The following CLSPN variants were observed in gnomAD, a reference collection of about 807,000 sequenced individuals.
CLSPN encodes claspin, also known as claspin homolog.
Under a neutral mutation model 156.3 loss-of-function variants are expected in CLSPN, and 85 were observed. The observed-to-expected ratio is 0.54, with a 90% CI of 0.46 to 0.65. The LOEUF (loss-of-function observed/expected upper bound fraction) is 0.65, where lower values mean the gene tolerates loss of function less well. Ranked by LOEUF, CLSPN falls within the 30% of genes least tolerant of loss-of-function variation. The pLI, the probability that CLSPN is intolerant of heterozygous loss-of-function variation, is 0.00. For missense variants in CLSPN, 1,407 were observed against 1,554.9 expected, an observed-to-expected ratio of 0.90 and a Z score of 1.60; for synonymous variants, 534 against 542.4, an observed-to-expected ratio of 0.98 and a Z score of 0.22.
At position 35,760,796 on chromosome 1, in the gene CLSPN, C is replaced by T; in HGVS notation, c.1125G>A (p.Val375=). ...AAACTACAGGGAGTGCATTAGTTTCCACTTCATTTTCTGCACCTGTTGTCT... is the reference window on the plus strand; with the variant it reads ...AAACTACAGGGAGTGCATTAGTTTCTACTTCATTTTCTGCACCTGTTGTCT... ...SEQTTGAENE[V]ETNALPVVSK... is the part of the protein sequence containing the mutation. The change falls in exon 8 of 25, where the codon GTG becomes GTA. Residue 375 remains valine (V), a synonymous_variant. Transcript: ENST00000318121. 6.2e-7 allele frequency: 1 copy of T among 1,613,568 alleles called. No homozygotes were observed. The highest frequency in any genetic ancestry group is 1.1e-5 in the South Asian group (1 of 91,072).
Position 35,747,097 on chromosome 1 carries a change from C to T in CLSPN, c.2628-105G>A, listed in dbSNP as rs546862327. On this transcript the variant is annotated intron_variant, in intron 14 of 24. Transcript: ENST00000318121. ...CAGCACTTCGGGAGGCCGAGGCGGG[C>T]GGATCACGAGGTCAGGAGATCAAGA... 1,396 of 774,364 alleles carry T rather than the reference C, an allele frequency of 1.8e-3. 3 individuals carry two copies. Among genetic ancestry groups the T allele is most frequent in the Non-Finnish European group, 2.4e-3 (1,104 of 464,748 alleles). 48.0% of individuals were successfully genotyped at this position (774,364 alleles called of 1,614,324 possible). A position where few individuals can be genotyped will look rare whatever the true frequency, so the allele number is the denominator to read the frequency against.
At chr1:35,743,096 A>G (rs1208644030) in intron 18 of CLSPN, 45 bp downstream of exon 18, 2 of 1,533,718 alleles carry the variant, frequency 1.3e-6, no homozygotes, top group African/African-American at 1.4e-5. Flanking sequence ...CTAGTGACCA[A>G]ATTTTAAATA....
At chr1:35,750,052 G>C (rs1251048147) in intron 10 of CLSPN, among the ~76,000 whole-genome samples, 2 of 151,140 alleles carry the variant, frequency 1.3e-5, no homozygotes, top group South Asian at 4.2e-4. Context: ...TATAAAGGAC[G>C]ACTGGATTAT....
At chr1:35,761,013 G>A in intron 7 of CLSPN, 83 bp downstream of exon 7, 1 of 1,407,756 alleles carries the variant, frequency 7.1e-7, no homozygotes. Context: ...TTAAGGGAGT[G>A]AGAAATCTGA....
chr1:35,746,951 A>C lies in CLSPN; in HGVS notation c.2669T>G (p.Leu890Trp). ...ACTGGCCAATGGCAATCGAGGCTTC[A>C]AAGCTTGGTACTGATTCCTGTGGTT... ...VRNHRNQYQA[L>W]KPRLPLASMD... Residue 890 changes from leucine (L) to tryptophan (W), a missense_variant, in exon 15 of 25, where the codon TTG (leucine) becomes TGG (tryptophan). By Grantham distance (61) the Leu-to-Trp change is moderately conservative (BLOSUM62 -2). Coordinates refer to ENST00000318121, the MANE Select transcript of CLSPN (RefSeq NM_022111.4). The surrounding 1 kb of genome is among the most constrained non-coding windows in gnomAD (Gnocchi z 4.2). 6.2e-7 allele frequency: 1 copy of C among 1,614,180 alleles called. No homozygotes were observed. The highest frequency in any genetic ancestry group is 1.1e-5 in the South Asian group (1 of 91,086).
rs191456058 is a variant in CLSPN at position 35,733,781 on chromosome 1, C to T, written c.*2715G>A. On this transcript the variant is annotated 3_prime_UTR_variant, in exon 25 of 25. Coordinates refer to ENST00000318121, the MANE Select transcript of CLSPN (RefSeq NM_022111.4). ...TTACTTGAGGCCAGGAGTTCAAGAT[C>T]AGCTGGGGCAACACAGCAAGACCCT... 91 of 745,074 alleles carry T rather than the reference C, an allele frequency of 1.2e-4. No homozygotes were observed. In the African/African-American group the frequency reaches 1.6e-3, roughly 13 times the overall value. The allele number at this position is 745,074 out of a possible 1,614,324, so 46.2% of individuals were successfully genotyped here. A position where few individuals can be genotyped will look rare whatever the true frequency, so the allele number is the denominator to read the frequency against.
rs189640327 is a variant in CLSPN at position 35,769,922 on chromosome 1, T to G, written c.-52A>C. ...AGGGACGGAGCTGTCTCTGATTCCC[T>G]CAGCCGGAGAGCAGCGGCTCCCGCC... is the stretch of plus-strand genomic sequence containing the variant. On this transcript the variant is annotated 5_prime_UTR_variant, in exon 1 of 25. Transcript: ENST00000318121. 230 of 1,598,312 alleles carry G rather than the reference T, an allele frequency of 1.4e-4. No individual in the cohort carries two copies. In the African/African-American group the frequency reaches 2.6e-3, roughly 18 times the overall value.
At position 35,763,330 on chromosome 1, in the gene CLSPN, T is replaced by C. The variant is rs1388859792; in HGVS notation, c.583-9A>G. On this transcript the variant is annotated splice_polypyrimidine_tract_variant and intron_variant, in intron 3 of 24. Coordinates refer to ENST00000318121, the MANE Select transcript of CLSPN (RefSeq NM_022111.4). ...TGTTCTACATCATCTTCCTAAGTAA[T>C]ACATAAACAAAAAGCATAATCCAAT... 3.2e-6 allele frequency: 5 copies of C among 1,558,306 alleles called. No homozygotes were observed. Among genetic ancestry groups the C allele is most frequent in the Admixed American group, 2.1e-5 (1 of 47,378 alleles).
chr1:35,747,362 A>G (rs1255194327), intron 14 of CLSPN, among the ~76,000 whole-genome samples: 1 of 152,170 alleles, frequency 6.6e-6, no homozygotes, highest in Non-Finnish European at 1.5e-5. Flanking sequence ...GAAATGGCAA[A>G]GTAGGGGGTG....
chr1:35,738,005 T>C lies in CLSPN; in HGVS notation c.3651A>G (p.Ala1217=). ...MILAKKVTAK[A]LQKNASRPMV... ...ACAAGAGCTCACCATTCTTCTGCAG[T>C]GCTTTGGCTGTAACTTTCTTGGCCA... The change falls in exon 22 of 25, where the codon GCA becomes GCG. Residue 1217 remains alanine (A), a synonymous_variant. Coordinates refer to ENST00000318121, the MANE Select transcript of CLSPN (RefSeq NM_022111.4). 2 of 1,487,238 alleles carry C rather than the reference T, an allele frequency of 1.3e-6. No individual in the cohort carries two copies. The highest frequency in any genetic ancestry group is 1.8e-6 in the Non-Finnish European group (2 of 1,107,696). The allele number at this position is 1,487,238 out of a possible 1,614,324, so 92.1% of individuals were successfully genotyped here.
chr1:35,737,362 T>G lies in CLSPN; in HGVS notation c.3724A>C (p.Ile1242Leu), dbSNP rs547782607. The G allele has an allele frequency of 1.3e-5, 21 of 1,614,086 alleles. No homozygotes were observed. The South Asian group carries it at 2.0e-4, about 15-fold the overall frequency. ...ACCTGTTGAGCACTTCCTGGTCTGA[T>G]GGCTTCAAAAGGATTTCTGAGCAAA... The part of the protein sequence containing the change: ...KSLLRNPFEA[I>L]RPGSAQQVKT... The change falls in exon 23 of 25, where the codon ATC becomes CTC. Residue 1242 changes from isoleucine to leucine, a missense_variant. Around this residue, in one of 3 missense-constraint regions of CLSPN, gnomAD observed 241 missense variants for 240.5 expected, o/e 1.00. Transcript: ENST00000318121.
At chr1:35,736,627 C>A in intron 24 of CLSPN, 21 bp from the exon 25 acceptor site, 1 of 1,597,446 alleles carries the variant, frequency 6.3e-7, no homozygotes, top group South Asian at 1.1e-5. Context: ...GAGAGGGAGT[C>A]AGGGCCAGCT....
At position 35,746,510 on chromosome 1, in the gene CLSPN, T is replaced by G. The variant is rs1248552136; in HGVS notation, c.2854+256A>C. ...CCCAGGCTCAAGAGATCCTCCCACC[T>G]CAGCCTCCCAAGTAGCTAGGACCAC... On this transcript the variant is annotated intron_variant, in intron 15 of 24. Transcript: ENST00000318121. This position sits in a 1 kb window ranked among gnomAD's most constrained non-coding sequence, Gnocchi z 4.2. Among the ~76,000 whole-genome samples the G allele has an allele frequency of 6.6e-6, 1 of 151,496 alleles. No individual in the cohort carries two copies. Among genetic ancestry groups the G allele is most frequent in the Non-Finnish European group, 1.5e-5 (1 of 67,948 alleles).
chr1:35,768,890 T>G (rs1642766479), intron 1 of CLSPN, among the ~76,000 whole-genome samples: 1 of 152,142 alleles, frequency 6.6e-6, no homozygotes, highest in African/African-American at 2.4e-5. Flanking sequence ...GGGTGAGGTC[T>G]CAAAAAATTC....
Position 35,764,472 on chromosome 1 carries a change from C to T in CLSPN, c.376G>A (p.Ala126Thr), listed in dbSNP as rs1297328594. 2.5e-6 allele frequency: 4 copies of T among 1,613,990 alleles called. No homozygotes were observed. The highest frequency in any genetic ancestry group is 3.4e-6 in the Non-Finnish European group (4 of 1,180,010). The change falls in exon 3 of 25, where the codon GCG becomes ACG. Residue 126 changes from alanine to threonine, a missense_variant. Physicochemically the swap from Ala to Thr is moderately conservative, Grantham distance 58 (BLOSUM62 0). Around this residue, in one of 3 missense-constraint regions of CLSPN, gnomAD observed 1,096 missense variants for 1,193.0 expected, o/e 0.92. Transcript: ENST00000318121. ...EKSLYQENLE[A>T]QVKPCLELSL... ...AGCTCTAAGCAAGGTTTCACTTGCG[C>T]TTCAAGATTTTCCTGATACAAAGAC...
intron 1 of CLSPN, among the ~76,000 whole-genome samples, chr1:35,769,457 C>A (rs1490457107): frequency 6.6e-6 from 1 of 152,226 alleles, no homozygotes; most frequent in African/African-American, 2.4e-5. Context: ...AGAATCCCCC[C>A]GCACCGCTGC....
intron 1 of CLSPN, 68 bp downstream of exon 1, chr1:35,769,779 C>G: frequency 6.7e-7 from 1 of 1,490,006 alleles, no homozygotes; most frequent in Non-Finnish European, 9.0e-7. Context: ...GGGGTCTACC[C>G]CGGCCCCACC....
intron 18 of CLSPN, among the ~76,000 whole-genome samples, chr1:35,741,938 C>T (rs2148615265): frequency 6.8e-6 from 1 of 146,252 alleles, no homozygotes; most frequent in Non-Finnish European, 1.5e-5. Context: ...CATGCCACTG[C>T]CCTCCAGCCT....
intron 1 of CLSPN, among the ~76,000 whole-genome samples, chr1:35,769,482 A>G (rs1284123708): frequency 1.3e-5 from 2 of 152,214 alleles, no homozygotes; most frequent in African/African-American, 2.4e-5. Context: ...GGGTTCGGCT[A>G]GAGCCTCCCG....
Sources: gnomAD v4.1 joint callset for allele counts (sites outside exome capture counted in the v4.1 genomes callset) on GRCh38, gnomAD v4.1.1 for gene constraint, gnomAD v4.1.1 regional missense constraint, Gnocchi (gnomAD v3.1) non-coding constraint, MANE v1.5 for transcripts, NCBI Gene and HGNC (gene_info 2026-07-23, HGNC 2026-07-21) for gene names.